SLC30A9: variants seen among roughly 807,000 people sequenced by gnomAD.
SLC30A9 encodes solute carrier family 30 member 9.
A neutral mutation model predicts 87.5 loss-of-function variants in SLC30A9; 58 were observed. The ratio of observed to expected loss-of-function variants is 0.66; its 90% confidence interval spans 0.54 to 0.82. The LOEUF (loss-of-function observed/expected upper bound fraction) is 0.82, where lower values mean the gene tolerates loss of function less well. SLC30A9 is among the 40% of genes least tolerant of loss of function. The pLI is 0.00. For synonymous variants in SLC30A9, 234 were observed against 233.0 expected, an observed-to-expected ratio of 1.00 and a Z score of -0.04; for missense variants, 557 against 679.1, an observed-to-expected ratio of 0.82 and a Z score of 2.00.
chr4:42,074,761 A>G (rs554400537), intron 15 of SLC30A9, among the ~76,000 whole-genome samples: 2 of 151,970 alleles, frequency 1.3e-5, no homozygotes, highest in Non-Finnish European at 2.9e-5. Context: ...AACATTTTAT[A>G]TATGTATTAG....
intron 17 of SLC30A9, among the ~76,000 whole-genome samples, chr4:42,081,997 C>T (rs920461227): frequency 5.3e-5 from 8 of 152,060 alleles, no homozygotes; most frequent in African/African-American, 1.9e-4. Context: ...GCGGGTGGAT[C>T]ACGAGGTCAG....
At chr4:42,067,765 G>T (rs1718140633) in intron 14 of SLC30A9, among the ~76,000 whole-genome samples, 1 of 152,178 alleles carries the variant, frequency 6.6e-6, no homozygotes, top group Non-Finnish European at 1.5e-5. Flanking sequence ...GCCGTACATG[G>T]TCAGTGAATT....
Position 42,027,780 on chromosome 4 carries a change from C to T in SLC30A9, c.610+4396C>T, listed in dbSNP as rs114254179. On this transcript the variant is annotated intron_variant, in intron 6 of 17. Coordinates refer to ENST00000264451, the MANE Select transcript of SLC30A9 (RefSeq NM_006345.4). ...ATAGAAAATGAAAATGAGGCTGCAA[C>T]CAAAGTTTGGTTTCTGAGTGGCTTA... is the stretch of plus-strand genomic sequence containing the variant. Among the ~76,000 whole-genome samples, 1,370 of 152,212 alleles carry T rather than the reference C, an allele frequency of 9.0e-3. 21 individuals carry two copies. Among genetic ancestry groups the T allele is most frequent in the African/African-American group, 0.032 (1,317 of 41,520 alleles).
chr4:41,993,273 A>G (rs1427758212), intron 1 of SLC30A9, among the ~76,000 whole-genome samples: 2 of 151,994 alleles, frequency 1.3e-5, no homozygotes, highest in East Asian at 3.8e-4. Context: ...AGTATTTTAC[A>G]TCATCTTTTT....
chr4:42,005,036 T>C (rs1323642243), intron 2 of SLC30A9, among the ~76,000 whole-genome samples: 4 of 152,342 alleles, frequency 2.6e-5, no homozygotes, highest in South Asian at 2.1e-4. Flanking sequence ...TTACCTTTTA[T>C]TACATTAGAT....
intron 14 of SLC30A9, among the ~76,000 whole-genome samples, chr4:42,069,202 T>C (rs1166621312): frequency 6.6e-6 from 1 of 152,228 alleles, no homozygotes; most frequent in East Asian, 1.9e-4. Flanking sequence ...ATGTCAACTT[T>C]GAATAATTTA....
intron 9 of SLC30A9, among the ~76,000 whole-genome samples, chr4:42,056,224 A>G (rs1214256395): frequency 6.6e-6 from 1 of 152,056 alleles, no homozygotes; most frequent in African/African-American, 2.4e-5. Flanking sequence ...ATAAATACAT[A>G]TATATGTATA....
chr4:42,066,261 T>C (rs950527170), intron 12 of SLC30A9, among the ~76,000 whole-genome samples: 2 of 152,162 alleles, frequency 1.3e-5, no homozygotes, highest in African/African-American at 4.8e-5. Context: ...CTTCAAAAGA[T>C]TGGGAGGCTC....
chr4:42,020,521 T>C lies in SLC30A9; in HGVS notation c.434+6T>C. On this transcript the variant is annotated splice_donor_region_variant and intron_variant, in intron 4 of 17. Coordinates refer to ENST00000264451, the MANE Select transcript of SLC30A9 (RefSeq NM_006345.4). ...GAGTTCTGCCTCAAATCCAGGTAAT[T>C]TTTTTAAAAAATGTAGCCGTGTGTC... 6.6e-7 allele frequency: 1 copy of C among 1,525,766 alleles called. No individual in the cohort carries two copies. The highest frequency in any genetic ancestry group is 9.0e-7 in the Non-Finnish European group (1 of 1,106,674). The allele number at this position is 1,525,766 out of a possible 1,614,324, so 94.5% of individuals were successfully genotyped here. A position where few individuals can be genotyped will look rare whatever the true frequency, so the allele number is the denominator to read the frequency against.
intron 15 of SLC30A9, among the ~76,000 whole-genome samples, chr4:42,073,167 T>C (rs1431036567): frequency 6.6e-6 from 1 of 152,170 alleles, no homozygotes; most frequent in African/African-American, 2.4e-5. Context: ...GCCCGGCCTC[T>C]GTATCCGTTA....
chr4:42,084,364 A>G (rs1377553674), intron 17 of SLC30A9, among the ~76,000 whole-genome samples: 1 of 151,832 alleles, frequency 6.6e-6, no homozygotes, highest in Non-Finnish European at 1.5e-5. Flanking sequence ...GTTCTTTTAT[A>G]CACTACTTTC....
intron 1 of SLC30A9, 80 bp downstream of exon 1, chr4:41,990,840 A>C: frequency 9.9e-7 from 1 of 1,009,120 alleles, no homozygotes; most frequent in Non-Finnish European, 1.5e-6. Flanking sequence ...CGCCTGGGGC[A>C]ATTCGCCCAC....
At position 42,038,913 on chromosome 4, in the gene SLC30A9, G is replaced by A. The variant is rs1269162037; in HGVS notation, c.670-73G>A. ...TTGATAGAGGAAAATGTTCTGGTCT[G>A]TCAAAGCCACCAGTTACAGTGCTTC... On this transcript the variant is annotated intron_variant, in intron 7 of 17. Coordinates refer to ENST00000264451, the MANE Select transcript of SLC30A9 (RefSeq NM_006345.4). 4.2e-6 allele frequency: 4 copies of A among 959,262 alleles called. No homozygotes were observed. In the African/African-American group the frequency reaches 4.8e-5, roughly 12 times the overall value. 59.4% of individuals were successfully genotyped at this position (959,262 alleles called of 1,614,324 possible).
rs142708543 is a variant in SLC30A9 at position 41,998,529 on chromosome 4, T to C, written c.110-3087T>C. Among the ~76,000 whole-genome samples, 11 of 151,936 alleles carry C rather than the reference T, an allele frequency of 7.2e-5. No individual in the cohort carries two copies. The East Asian group carries it at 2.1e-3, about 29-fold the overall frequency. On this transcript the variant is annotated intron_variant, in intron 1 of 17. Coordinates refer to ENST00000264451, the MANE Select transcript of SLC30A9 (RefSeq NM_006345.4). ...CCCTGGCTGGAATGCAATGGCGCGATCTTGGTTCACTGCAACCTCCGCCTC... is the reference window on the plus strand; with the variant it reads ...CCCTGGCTGGAATGCAATGGCGCGACCTTGGTTCACTGCAACCTCCGCCTC...
intron 17 of SLC30A9, among the ~76,000 whole-genome samples, chr4:42,080,508 G>A (rs1391624078): frequency 6.6e-6 from 1 of 152,176 alleles, no homozygotes; most frequent in Non-Finnish European, 1.5e-5. Context: ...AGCATGACGT[G>A]TTGCCAACCG....
At chr4:42,011,505 C>T (rs2153134159) in intron 2 of SLC30A9, among the ~76,000 whole-genome samples, 1 of 152,224 alleles carries the variant, frequency 6.6e-6, no homozygotes, top group South Asian at 2.1e-4. Flanking sequence ...AATATGAGAT[C>T]AAACTGGCAA....
At chr4:42,012,657 CTA>C (rs1715500318) in intron 2 of SLC30A9, among the ~76,000 whole-genome samples, 1 of 152,130 alleles carries the variant, frequency 6.6e-6, no homozygotes, top group Non-Finnish European at 1.5e-5. Context: ...TTATTACTGA[CTA>C]TAGTCACCCT....
Position 42,049,379 on chromosome 4 carries a change from A to G in SLC30A9, c.740A>G (p.Asn247Ser), listed in dbSNP as rs778379099. 7 of 1,596,194 alleles carry G rather than the reference A, an allele frequency of 4.4e-6. No individual in the cohort carries two copies. Among genetic ancestry groups the G allele is most frequent in the East Asian group, 4.5e-5 (2 of 44,664 alleles). ...GKVVMVAICI[N>S]GLNCFFKFLA... ...ATTGTTTTCTCTTTCTCTTCTAGCA[A>G]TGGATTAAACTGCTTCTTTAAATTT... The change falls in exon 9 of 18, where the codon AAT (asparagine) becomes AGT (serine). Residue 247 changes from asparagine to serine, a missense_variant and splice_region_variant. Asn to Ser is a conservative substitution (Grantham distance 46). Transcript: ENST00000264451.
chr4:42,023,556 T>A (rs899748834), intron 6 of SLC30A9, among the ~76,000 whole-genome samples, 172 bp downstream of exon 6: 3 of 152,240 alleles, frequency 2.0e-5, no homozygotes, highest in Non-Finnish European at 4.4e-5. Flanking sequence ...AGGAACTGTA[T>A]TTTTGTTTTC....
Sources: allele counts gnomAD v4.1 joint callset (sites outside exome capture counted in the v4.1 genomes callset), GRCh38; gene constraint gnomAD v4.1.1; transcripts MANE v1.5; gene names NCBI Gene and HGNC (gene_info 2026-07-23, HGNC 2026-07-21).